ITGBL1: variants seen among roughly 807,000 people sequenced by gnomAD.
ITGBL1 encodes the protein integrin beta-like protein 1.
A neutral mutation model predicts 68.5 loss-of-function variants in ITGBL1; 51 were observed. The ratio of observed to expected loss-of-function variants is 0.74; its 90% CI spans 0.59 to 0.94. ITGBL1 has a LOEUF of 0.94. Ranked by LOEUF, ITGBL1 falls within the 40% of genes least tolerant of loss-of-function variation. The probability of loss-of-function intolerance (pLI) is 0.00; values close to 1 mark genes in which losing one functional copy is unlikely to be tolerated. For synonymous variants in ITGBL1, 209 were observed against 227.3 expected, an observed-to-expected ratio of 0.92 and a Z score of 0.72; for missense variants, 649 against 647.4, an observed-to-expected ratio of 1.00 and a Z score of -0.03.
intron 7 of ITGBL1, among the ~76,000 whole-genome samples, chr13:101,599,878 C>G (rs1427346123): frequency 6.6e-6 from 1 of 152,116 alleles, no homozygotes; most frequent in Admixed American, 6.5e-5. Flanking sequence ...CGTGATGCCT[C>G]CAGCTTTGTT....
chr13:101,591,135 T>G (rs1594910538), intron 6 of ITGBL1, among the ~76,000 whole-genome samples: 1 of 152,302 alleles, frequency 6.6e-6, no homozygotes, highest in South Asian at 2.1e-4. Context: ...ACTCCTGAAC[T>G]CAGGTTATCT....
chr13:101,528,624 T>C (rs9300674), intron 2 of ITGBL1, among the ~76,000 whole-genome samples: 110,084 of 151,658 alleles, frequency 0.73, 40,039 homozygotes, highest in South Asian at 0.78. Flanking sequence ...ATTTGTGATT[T>C]CTTATTTTAC....
At chr13:101,598,488 G>A (rs574133450) in intron 7 of ITGBL1, among the ~76,000 whole-genome samples, 189 bp downstream of exon 7, 3 of 151,784 alleles carry the variant, frequency 2.0e-5, no homozygotes, top group Middle Eastern at 3.4e-3. Flanking sequence ...GCAATGTGCA[G>A]GTTTGTTACA....
intron 2 of ITGBL1, 35 bp from the exon 3 acceptor site, chr13:101,567,664 A>T (rs2050202896): frequency 1.9e-6 from 3 of 1,599,540 alleles, no homozygotes; most frequent in African/African-American, 2.7e-5. Context: ...TTTGGAAAAC[A>T]ATTTGAGTCT....
At chr13:101,464,967 C>G (rs1278720168) in intron 2 of ITGBL1, among the ~76,000 whole-genome samples, 1 of 152,166 alleles carries the variant, frequency 6.6e-6, no homozygotes, top group Non-Finnish European at 1.5e-5. Context: ...AAATCAATAT[C>G]TCATTGGGGA....
intron 2 of ITGBL1, among the ~76,000 whole-genome samples, chr13:101,473,723 C>T (rs1360200935): frequency 6.6e-6 from 1 of 152,142 alleles, no homozygotes; most frequent in Non-Finnish European, 1.5e-5. Context: ...CTAGGCAGTG[C>T]AGCTCATAGC....
At chr13:101,487,362 C>T (rs1011095586) in intron 2 of ITGBL1, among the ~76,000 whole-genome samples, 1 of 152,054 alleles carries the variant, frequency 6.6e-6, no homozygotes, top group African/African-American at 2.4e-5. Flanking sequence ...TACCAACCCT[C>T]TTGTTTAAAT....
chr13:101,591,183 G>A lies in ITGBL1; in HGVS notation c.869-6970G>A, dbSNP rs2050646900. On this transcript the variant is annotated intron_variant, in intron 6 of 10. Coordinates refer to ENST00000376180, the MANE Select transcript of ITGBL1 (RefSeq NM_004791.3). ...CTTCCAAAGTGCTGGGATTATGGGC[G>A]TGAGTCACCACGTCCGATGGGAACT... Among the ~76,000 whole-genome samples, 5 of 152,238 alleles carry A rather than the reference G, an allele frequency of 3.3e-5. No homozygotes were observed. The South Asian group carries it at 1.0e-3, about 32-fold the overall frequency.
chr13:101,574,558 T>G (rs2050324731), intron 3 of ITGBL1, among the ~76,000 whole-genome samples: 1 of 152,094 alleles, frequency 6.6e-6, no homozygotes, highest in South Asian at 2.1e-4. Flanking sequence ...ATTTTCAGAG[T>G]CCAGGGTGGT....
chr13:101,509,260 C>A (rs184682131), intron 2 of ITGBL1, among the ~76,000 whole-genome samples: 11 of 152,178 alleles, frequency 7.2e-5, no homozygotes, highest in Middle Eastern at 3.4e-3. Context: ...TCACGATCAT[C>A]AGAATAGCAC....
chr13:101,677,436 T>A lies in ITGBL1; in HGVS notation c.1016-15149T>A, dbSNP rs560580672. Among the ~76,000 whole-genome samples, 160 of 152,306 alleles carry A rather than the reference T, an allele frequency of 1.1e-3. 1 individual carries two copies. Among genetic ancestry groups the A allele is most frequent in the African/African-American group, 3.6e-3 (150 of 41,558 alleles). ...AAATAGTAGTACTTGTGTAAATAGATTTCTATTTCAGCCTCTTTAAAGGCA... is the reference window on the plus strand; with the variant it reads ...AAATAGTAGTACTTGTGTAAATAGAATTCTATTTCAGCCTCTTTAAAGGCA... On this transcript the variant is annotated intron_variant, in intron 7 of 10. Coordinates refer to ENST00000376180, the MANE Select transcript of ITGBL1 (RefSeq NM_004791.3).
chr13:101,483,758 C>A (rs2048660697), intron 2 of ITGBL1, among the ~76,000 whole-genome samples: 1 of 152,096 alleles, frequency 6.6e-6, no homozygotes, highest in African/African-American at 2.4e-5. Flanking sequence ...TATCTTACCA[C>A]ATATTTTTGA....
At chr13:101,631,014 A>C (rs771691476) in intron 7 of ITGBL1, among the ~76,000 whole-genome samples, 1 of 152,174 alleles carries the variant, frequency 6.6e-6, no homozygotes, top group Non-Finnish European at 1.5e-5. Context: ...CTGATCAGAC[A>C]TATGTTGATC....
At chr13:101,683,108 ATAAAG>A (rs1246831586) in intron 7 of ITGBL1, among the ~76,000 whole-genome samples, 2 of 152,122 alleles carry the variant, frequency 1.3e-5, no homozygotes, top group East Asian at 1.9e-4. Flanking sequence ...TATGAATCAT[ATAAAG>A]TAATCACATG....
In ITGBL1 at chr13:101,715,974, G is replaced by A; in HGVS notation, c.*320G>A. The A allele has an allele frequency of 3.5e-6, 1 of 289,594 alleles. No homozygotes were observed. Among genetic ancestry groups the A allele is most frequent in the Non-Finnish European group, 6.7e-6 (1 of 149,980 alleles). The allele number at this position is 289,594 out of a possible 1,614,324, so 17.9% of individuals were successfully genotyped here. ...CACACTGGGTCGGGTAGGAAGGTAT[G>A]CTGCAGACATTTGGTGGGTAGAGGC... On this transcript the variant is annotated 3_prime_UTR_variant, in exon 11 of 11. Transcript: ENST00000376180.
At chr13:101,505,607 C>G (rs571083177) in intron 2 of ITGBL1, among the ~76,000 whole-genome samples, 2 of 152,190 alleles carry the variant, frequency 1.3e-5, no homozygotes, top group Admixed American at 1.3e-4. Flanking sequence ...CAGTGTATGC[C>G]ATGCACTGTA....
chr13:101,457,653 A>G (rs1289665805), intron 2 of ITGBL1, among the ~76,000 whole-genome samples: 1 of 152,120 alleles, frequency 6.6e-6, no homozygotes, highest in Non-Finnish European at 1.5e-5. Flanking sequence ...TGTCTCTACT[A>G]AATATACAAA....
At chr13:101,489,253 C>G (rs1223023908) in intron 2 of ITGBL1, among the ~76,000 whole-genome samples, 1 of 152,146 alleles carries the variant, frequency 6.6e-6, no homozygotes, top group Non-Finnish European at 1.5e-5. Context: ...CCTGGCATTC[C>G]AGTCTCTTCT....
chr13:101,672,133 TATTCTC>T (rs1323280456), intron 7 of ITGBL1, among the ~76,000 whole-genome samples: 12 of 152,370 alleles, frequency 7.9e-5, no homozygotes, highest in East Asian at 5.8e-4. Context: ...AAATTAATCT[TATTCTC>T]ATTATCTTTA....
Sources: allele counts gnomAD v4.1 joint callset (sites outside exome capture counted in the v4.1 genomes callset), GRCh38; gene constraint gnomAD v4.1.1; transcripts MANE v1.5; gene names NCBI Gene and HGNC (gene_info 2026-07-23, HGNC 2026-07-21).